RMDN1: variants seen among roughly 807,000 people sequenced by gnomAD.
The protein encoded by RMDN1 is regulator of microtubule dynamics protein 1.
Under a neutral mutation model 48.9 loss-of-function variants are expected in RMDN1, and 48 were observed. The ratio of observed to expected loss-of-function variants is 0.98; its 90% CI spans 0.78 to 1.25. The LOEUF is 1.25. Ranked by LOEUF, RMDN1 falls within the 50% of genes most tolerant of loss-of-function variation. The pLI, the probability that RMDN1 is intolerant of heterozygous loss-of-function variation, is 0.00. For missense variants in RMDN1, 418 were observed against 373.4 expected (o/e 1.12, Z -0.98); for synonymous variants, 148 against 132.6 (o/e 1.12, Z -0.80).
intron 1 of RMDN1, chr8:86,514,170 G>A: frequency 2.7e-6 from 2 of 742,298 alleles, no homozygotes; most frequent in African/African-American, 3.8e-5. Flanking sequence ...GTTCAGATAT[G>A]GCATAAATTT....
chr8:86,503,367 A>AAAAAC lies in RMDN1; in HGVS notation c.247+3627_247+3628insGTTTT, dbSNP rs1455479774. 2.8e-3 allele frequency among the ~76,000 whole-genome samples: 205 copies of AAAAAC among 73,466 alleles called. 5 individuals carry two copies. Among genetic ancestry groups the AAAAAC allele is most frequent in the African/African-American group, 0.023 (194 of 8,410 alleles). 48.2% of individuals were successfully genotyped at this position (73,466 alleles called of 152,430 possible). On this transcript the variant is annotated intron_variant, in intron 2 of 9. Coordinates refer to ENST00000406452, the MANE Select transcript of RMDN1 (RefSeq NM_016033.3). Reference sequence around the variant, plus strand: ...ACTCCGTCTCAAAACAAAACAAAACAAAACAAAAAAAAAAAAAAAAAACAA... The same window carrying AAAAAC: ...ACTCCGTCTCAAAACAAAACAAAACAAAAACAAACAAAAAAAAAAAAAAAAAACAA...
Position 86,501,451 on chromosome 8 carries a change from T to C in RMDN1, c.247+5544A>G, listed in dbSNP as rs1466269857. Among the ~76,000 whole-genome samples the C allele has an allele frequency of 2.6e-5, 4 of 152,124 alleles. 1 individual carries two copies. The highest frequency in any genetic ancestry group is 2.6e-4 in the Admixed American group (4 of 15,268). ...ACTTTGGGAGGCTGAGGCAGGTGGA[T>C]TGCTTGAGCCTAGGAGTTCAAGACC... On this transcript the variant is annotated intron_variant, in intron 2 of 9. Transcript: ENST00000406452.
At chr8:86,482,470 T>A (rs1814676926) in intron 5 of RMDN1, 1 of 566,556 alleles carries the variant, frequency 1.8e-6, no homozygotes, top group Non-Finnish European at 3.3e-6. Context: ...CATATATTAT[T>A]AGAAAGTGTT....
chr8:86,494,756 G>A (rs986370615), intron 2 of RMDN1: 19 of 241,202 alleles, frequency 7.9e-5, no homozygotes, highest in South Asian at 5.0e-4. Flanking sequence ...TGGGGTGGGC[G>A]GATCACTTGA....
intron 2 of RMDN1, chr8:86,504,286 G>A (rs1173264882): frequency 1.9e-6 from 3 of 1,575,568 alleles, no homozygotes; most frequent in Admixed American, 3.3e-5. Context: ...CACCCAGGAT[G>A]TATCCCAAGA....
chr8:86,503,385 A>AAACAAAACAAAAC (rs1818686330), intron 2 of RMDN1, among the ~76,000 whole-genome samples: 10 of 81,072 alleles, frequency 1.2e-4, no homozygotes, highest in South Asian at 1.1e-3. Context: ...AAAAAAAAAA[A>AAACAAAACAAAAC]AAAACAAAAA....
At chr8:86,481,321 T>C (rs561649009) in intron 5 of RMDN1, among the ~76,000 whole-genome samples, 25 of 152,258 alleles carry the variant, frequency 1.6e-4, no homozygotes, top group African/African-American at 6.0e-4. Flanking sequence ...ACTCATAAGG[T>C]TGTGGTAAAA....
downstream of RMDN1, chr8:86,470,299 G>T: frequency 7.8e-7 from 1 of 1,289,326 alleles, no homozygotes; most frequent in South Asian, 1.2e-5. Flanking sequence ...ATCAGGTGGG[G>T]GCTGCACGGG....
chr8:86,476,431 A>C (rs1813389507), intron 8 of RMDN1, among the ~76,000 whole-genome samples: 1 of 152,162 alleles, frequency 6.6e-6, no homozygotes. Context: ...TAAACATGGT[A>C]TGTCTTCTCC....
intron 2 of RMDN1, chr8:86,495,011 T>C (rs537176269): frequency 6.4e-5 from 24 of 373,070 alleles, no homozygotes; most frequent in African/African-American, 4.9e-4. Context: ...TAACTTTTTA[T>C]GTCCTCAAGA....
Position 86,473,658 on chromosome 8 carries a change from C to A in RMDN1, c.*650G>T. On this transcript the variant is annotated 3_prime_UTR_variant, in exon 10 of 10. Coordinates refer to ENST00000406452, the MANE Select transcript of RMDN1 (RefSeq NM_016033.3). ...GTACAACCCTGTAATCCCAGCCACT[C>A]AGGAGGCTAAGGCAGGAGAATCACT... The A allele has an allele frequency of 5.5e-6, 2 of 364,592 alleles. No individual in the cohort carries two copies. The highest frequency in any genetic ancestry group is 7.6e-6 in the Non-Finnish European group (2 of 262,584). 22.6% of individuals were successfully genotyped at this position (364,592 alleles called of 1,614,324 possible). A position where few individuals can be genotyped will look rare whatever the true frequency, so the allele number is the denominator to read the frequency against.
chr8:86,474,045 T>C lies in RMDN1; in HGVS notation c.*263A>G. 1 of 1,182,512 alleles carries C rather than the reference T, an allele frequency of 8.5e-7. No individual in the cohort carries two copies. The highest frequency in any genetic ancestry group is 1.0e-6 in the Non-Finnish European group (1 of 953,462). 73.3% of individuals were successfully genotyped at this position (1,182,512 alleles called of 1,614,324 possible). A position where few individuals can be genotyped will look rare whatever the true frequency, so the allele number is the denominator to read the frequency against. ...CCAATGTGATCAATCCTTAGAAATC[T>C]CATACCATTTTGCATTGCTGGTATC... On this transcript the variant is annotated 3_prime_UTR_variant, in exon 10 of 10. Coordinates refer to ENST00000406452, the MANE Select transcript of RMDN1 (RefSeq NM_016033.3).
chr8:86,500,536 A>G (rs955589371), intron 2 of RMDN1, among the ~76,000 whole-genome samples: 1 of 152,082 alleles, frequency 6.6e-6, no homozygotes, highest in African/African-American at 2.4e-5. Context: ...TAATTAAAAA[A>G]AAAAAAGATG....
chr8:86,485,588 A>T (rs1237818394), intron 4 of RMDN1, among the ~76,000 whole-genome samples: 2 of 152,168 alleles, frequency 1.3e-5, no homozygotes, highest in African/African-American at 4.8e-5. Context: ...TATGTAATTG[A>T]ATGTTTTATT....
At chr8:86,487,957 G>A (rs1815767898) in intron 3 of RMDN1, among the ~76,000 whole-genome samples, 1 of 147,462 alleles carries the variant, frequency 6.8e-6, no homozygotes, top group Non-Finnish European at 1.5e-5. Flanking sequence ...AGGTAGATTA[G>A]TGATCTAGAA....
chr8:86,508,464 G>A, intron 1 of RMDN1, 28 bp downstream of exon 1: 2 of 1,536,740 alleles, frequency 1.3e-6, no homozygotes, highest in East Asian at 2.5e-5. Flanking sequence ...TAGGAAGTGA[G>A]GAGCGGGAGC....
chr8:86,472,029 A>ATGTT (rs767770760), downstream of RMDN1, among the ~76,000 whole-genome samples: 1 of 152,190 alleles, frequency 6.6e-6, no homozygotes, highest in Non-Finnish European at 1.5e-5. Context: ...ATATTAGATG[A>ATGTT]TGTTAGAGAA....
At chr8:86,478,672 T>C (rs369620383) in intron 7 of RMDN1, 84 of 451,062 alleles carry the variant, frequency 1.9e-4, no homozygotes, top group African/African-American at 1.4e-3. Context: ...AAAATGAAGG[T>C]AGATTTTAGC....
chr8:86,492,774 T>A (rs1038546587), intron 2 of RMDN1, among the ~76,000 whole-genome samples: 1 of 151,658 alleles, frequency 6.6e-6, no homozygotes, highest in African/African-American at 2.4e-5. Flanking sequence ...TAAATATAGA[T>A]ATAACCATTT....
Sources: allele counts gnomAD v4.1 joint callset (sites outside exome capture counted in the v4.1 genomes callset), GRCh38; gene constraint gnomAD v4.1.1; transcripts MANE v1.5; gene names NCBI Gene and HGNC (gene_info 2026-07-23, HGNC 2026-07-21).